Variants in RNF168 observed in about 807,000 individuals in gnomAD.
The protein encoded by RNF168 is E3 ubiquitin-protein ligase RNF168.
In RNF168, 34 loss-of-function variants were observed where a neutral mutation model predicts 34.9. The observed-to-expected ratio is 0.97, with a 90% CI of 0.74 to 1.30. RNF168 has a LOEUF of 1.30. RNF168 is among the 50% of genes most tolerant of loss of function. RNF168 has a pLI of 0.00. For missense variants in RNF168, 725 were observed against 682.5 expected (o/e 1.06, Z -0.69); for synonymous variants, 264 against 254.7 (o/e 1.04, Z -0.35).
Position 196,472,545 on chromosome 3 carries a change from G to A in RNF168, c.990C>T (p.His330=), listed in dbSNP as rs531465143. ...NHGKELCVLS[H]ERPKTRVPYS... ...AGGGAACTCTGGTTTTAGGTCGCTC[G>A]TGACTTAAGACACATAACTCTTTCC... Residue 330 remains histidine (H), a synonymous_variant, in exon 6 of 6, where the codon CAC becomes CAT. Coordinates refer to ENST00000318037, the MANE Select transcript of RNF168 (RefSeq NM_152617.4). 21 of 1,614,162 alleles carry A rather than the reference G, an allele frequency of 1.3e-5. No homozygotes were observed. The highest frequency in any genetic ancestry group is 6.6e-5 in the South Asian group (6 of 91,078).
chr3:196,492,346 T>A (rs76054169), intron 1 of RNF168, among the ~76,000 whole-genome samples: 15,310 of 151,614 alleles, frequency 0.1, 2,477 homozygotes, highest in African/African-American at 0.34. Flanking sequence ...TCAAAAAAAT[T>A]TTTTTTAAGT....
At chr3:196,479,303 G>A (rs147870948) in intron 4 of RNF168, among the ~76,000 whole-genome samples, 2,451 of 146,618 alleles carry the variant, frequency 0.017, 63 homozygotes, top group African/African-American at 0.059. Flanking sequence ...GTGAGCCACC[G>A]TGCCTGGCTT....
intron 1 of RNF168, among the ~76,000 whole-genome samples, chr3:196,493,356 C>T (rs1439979333): frequency 1.3e-5 from 2 of 152,072 alleles, no homozygotes; most frequent in Admixed American, 6.6e-5. Context: ...TCTTCATTTG[C>T]CTTTTTCTTT....
intron 1 of RNF168, among the ~76,000 whole-genome samples, chr3:196,501,753 A>G (rs934568197): frequency 6.6e-6 from 1 of 152,094 alleles, no homozygotes; most frequent in Non-Finnish European, 1.5e-5. Flanking sequence ...TATACCAAAA[A>G]CCATTAAATT....
rs1452172949 is a variant in RNF168, at chr3:196,469,966, C to G, written c.*1853G>C. On this transcript the variant is annotated 3_prime_UTR_variant, in exon 6 of 6. Coordinates refer to ENST00000318037, the MANE Select transcript of RNF168 (RefSeq NM_152617.4). ...AGTAGGGTGTGAAAAGCTGTAAAAC[C>G]CAAATGTTTCCTGTGTTCTTTCACA... 1.3e-5 allele frequency: 2 copies of G among 152,140 alleles called. No homozygotes were observed. The highest frequency in any genetic ancestry group is 1.3e-4 in the Admixed American group (2 of 15,278). 9.4% of individuals were successfully genotyped at this position (152,140 alleles called of 1,614,324 possible).
chr3:196,503,325 G>T lies in RNF168; in HGVS notation c.-152C>A, dbSNP rs533882729. ...TTCGGAGAACAGGAGCATCCAACAC[G>T]TCTTGAAGCAAAAAGGCGCTCTCAG... On this transcript the variant is annotated 5_prime_UTR_variant, in exon 1 of 6. Transcript: ENST00000318037. 6.9e-6 allele frequency: 5 copies of T among 724,858 alleles called. No homozygotes were observed. The highest frequency in any genetic ancestry group is 1.2e-5 in the Non-Finnish European group (5 of 418,236). The allele number at this position is 724,858 out of a possible 1,614,324, so 44.9% of individuals were successfully genotyped here. A position where few individuals can be genotyped will look rare whatever the true frequency, so the allele number is the denominator to read the frequency against.
chr3:196,477,303 C>A (rs968773475), intron 4 of RNF168, among the ~76,000 whole-genome samples: 2 of 152,128 alleles, frequency 1.3e-5, no homozygotes, highest in Non-Finnish European at 2.9e-5. Context: ...AGCAGCTAGC[C>A]ATGGCTTTTA....
At chr3:196,496,680 G>A (rs1474958151) in intron 1 of RNF168, among the ~76,000 whole-genome samples, 1 of 152,174 alleles carries the variant, frequency 6.6e-6, no homozygotes, top group East Asian at 1.9e-4. Context: ...CTCCTAACAG[G>A]CTGTTAGTAG....
chr3:196,480,817 A>C lies in RNF168; in HGVS notation c.680+2953T>G, dbSNP rs546309185. On this transcript the variant is annotated intron_variant, in intron 4 of 5. Coordinates refer to ENST00000318037, the MANE Select transcript of RNF168 (RefSeq NM_152617.4). ...ATCATCATGCCTGGTTAATTTTTTAATTTTTTTTTAAGAGATAGGGTCTCC... is the reference window on the plus strand; with the variant it reads ...ATCATCATGCCTGGTTAATTTTTTACTTTTTTTTTAAGAGATAGGGTCTCC... Among the ~76,000 whole-genome samples, 4 of 151,202 alleles carry C rather than the reference A, an allele frequency of 2.6e-5. No homozygotes were observed. The South Asian group carries it at 6.3e-4, about 24-fold the overall frequency.
At position 196,503,694 on chromosome 3, in the gene RNF168, AGC is replaced by A; in HGVS notation, c.-523_-522del. ...TCGGGCGCCTGGCGCAGTTTCCCAG[AGC>A]TCCGCGCCCCCGTCCCTCCTACGCA... On this transcript the variant is annotated 5_prime_UTR_variant, in exon 1 of 6. Coordinates refer to ENST00000318037, the MANE Select transcript of RNF168 (RefSeq NM_152617.4). The A allele has an allele frequency of 5.4e-6, 1 of 186,602 alleles. No homozygotes were observed. Among genetic ancestry groups the A allele is most frequent in the Non-Finnish European group, 1.1e-5 (1 of 87,540 alleles). The allele number at this position is 186,602 out of a possible 1,614,324, so 11.6% of individuals were successfully genotyped here. A position where few individuals can be genotyped will look rare whatever the true frequency, so the allele number is the denominator to read the frequency against.
At chr3:196,488,406 C>T (rs943460590) in intron 2 of RNF168, among the ~76,000 whole-genome samples, 3 of 151,280 alleles carry the variant, frequency 2.0e-5, no homozygotes, top group Admixed American at 6.6e-5. Context: ...GGCATGAACC[C>T]GGGAGGTGGA....
intron 1 of RNF168, among the ~76,000 whole-genome samples, chr3:196,501,031 G>C (rs1290156240): frequency 1.3e-5 from 2 of 152,150 alleles, no homozygotes; most frequent in Admixed American, 1.3e-4. Flanking sequence ...TTGACACACA[G>C]AGTTAAGATA....
intron 5 of RNF168, among the ~76,000 whole-genome samples, chr3:196,473,815 TAAACA>T (rs937574708): frequency 7.3e-6 from 1 of 136,842 alleles, no homozygotes; most frequent in Non-Finnish European, 1.5e-5. Context: ...TCTCAAAAAA[TAAACA>T]AAACAAAACA....
chr3:196,481,682 GTTTTTTTTTTTTTTTTT>G (rs34739638), intron 4 of RNF168, among the ~76,000 whole-genome samples: 8 of 62,362 alleles, frequency 1.3e-4, no homozygotes, highest in African/African-American at 5.0e-4. Context: ...TTTCAGCTGC[GTTTTTTTTTTTTTTTTT>G]TTTTTTTTTT....
chr3:196,474,051 T>TCTG (rs1421064203), intron 5 of RNF168, among the ~76,000 whole-genome samples: 1 of 152,020 alleles, frequency 6.6e-6, no homozygotes, highest in Non-Finnish European at 1.5e-5. Context: ...ACCTTGGAGC[T>TCTG]CTGCTGCTGA....
intron 1 of RNF168, among the ~76,000 whole-genome samples, chr3:196,491,109 T>C (rs1031581348): frequency 1.3e-5 from 2 of 151,820 alleles, no homozygotes; most frequent in African/African-American, 4.8e-5. Context: ...GGTCAGGAGT[T>C]CGAGACCAGC....
chr3:196,503,176 C>G lies in RNF168; in HGVS notation c.-3G>C. 2 of 1,613,624 alleles carry G rather than the reference C, an allele frequency of 1.2e-6. No homozygotes were observed. Among genetic ancestry groups the G allele is most frequent in the South Asian group, 2.2e-5 (2 of 91,068 alleles). On this transcript the variant is annotated 5_prime_UTR_variant, in exon 1 of 6. Transcript: ENST00000318037. Reference sequence around the variant, plus strand: ...ATGGCGTCTTTGGGTAGAGCCATTTCAATATGTTAGTAAAGCCGACTAAAC... The same window carrying G: ...ATGGCGTCTTTGGGTAGAGCCATTTGAATATGTTAGTAAAGCCGACTAAAC...
chr3:196,498,700 GAAT>G (rs1732807665), intron 1 of RNF168, among the ~76,000 whole-genome samples: 1 of 152,062 alleles, frequency 6.6e-6, no homozygotes, highest in Admixed American at 6.6e-5. Flanking sequence ...ATCTACACAA[GAAT>G]AAATCTTGAG....
At chr3:196,479,132 C>T (rs1379379269) in intron 4 of RNF168, among the ~76,000 whole-genome samples, 1 of 151,916 alleles carries the variant, frequency 6.6e-6, no homozygotes, top group African/African-American at 2.4e-5. Flanking sequence ...TCTGCCTCAG[C>T]CTCCCGAGTA....
Sources: allele counts gnomAD v4.1 joint callset (sites outside exome capture counted in the v4.1 genomes callset), GRCh38; gene constraint gnomAD v4.1.1; transcripts MANE v1.5; gene names NCBI Gene and HGNC (gene_info 2026-07-23, HGNC 2026-07-21).